The following PIP variants were observed in gnomAD, a reference collection of about 807,000 sequenced individuals.
The protein encoded by PIP is prolactin-inducible protein.
PIP carries 9 observed loss-of-function variants against 12.8 expected under a neutral mutation model. That is an observed-to-expected ratio of 0.70 (90% CI 0.42 to 1.23). PIP has a LOEUF of 1.23. PIP is among the 50% of genes most tolerant of loss of function. The probability of loss-of-function intolerance (pLI) is 0.00; values close to 1 mark genes in which losing one functional copy is unlikely to be tolerated. For missense variants in PIP, 172 were observed against 179.5 expected (o/e 0.96, Z 0.24); for synonymous variants, 60 against 66.1 (o/e 0.91, Z 0.45).
rs780595639 is a variant in PIP at position 143,139,581 on chromosome 7, C to A, written c.380C>A (p.Ala127Asp). The A allele has an allele frequency of 3.0e-5, 48 of 1,610,886 alleles. No homozygotes were observed. The highest frequency in any genetic ancestry group is 3.7e-5 in the Non-Finnish European group (44 of 1,177,212). The change falls in exon 4 of 4, where the codon GCT (alanine) becomes GAT (aspartate). Residue 127 changes from alanine to aspartate, a missense_variant. Transcript: ENST00000291009. ...IRELGICPDD[A>D]AVIPIKNNRF... is the part of the protein sequence containing the mutation. ...GAATTAGGCATCTGCCCTGATGATGCTGCTGTAATCCCCATCAAAAACAAC... is the reference window on the plus strand; with the variant it reads ...GAATTAGGCATCTGCCCTGATGATGATGCTGTAATCCCCATCAAAAACAAC...
intron 2 of PIP, among the ~76,000 whole-genome samples, chr7:143,138,766 G>A (rs749984789): frequency 6.6e-6 from 1 of 152,146 alleles, no homozygotes; most frequent in Non-Finnish European, 1.5e-5. Context: ...TGGTGACTAA[G>A]GCAAGCCTGC....
In PIP at chr7:143,135,208, T is replaced by C. The variant is rs529364553; in HGVS notation, c.110T>C (p.Ile37Thr). 3 of 1,570,806 alleles carry C rather than the reference T, an allele frequency of 1.9e-6. No homozygotes were observed. The highest frequency in any genetic ancestry group is 2.2e-5 in the South Asian group (2 of 90,180). The part of the protein sequence containing the change: ...KAQDNTRKII[I>T]KNFDIPKSVR... The stretch of plus-strand genomic sequence containing the variant: ...CCCACAATCAGTCGGAAGATCATAA[T>C]AAAGAATTTTGACATTCCCAAGTCA... The change falls in exon 2 of 4, where the codon ATA becomes ACA. Residue 37 changes from isoleucine to threonine, a missense_variant. Ile to Thr is a moderately conservative substitution (Grantham distance 89, BLOSUM62 -1). Coordinates refer to ENST00000291009, the MANE Select transcript of PIP (RefSeq NM_002652.3).
At chr7:143,135,593 G>A (rs143956069) in intron 2 of PIP, among the ~76,000 whole-genome samples, 1 of 152,092 alleles carries the variant, frequency 6.6e-6, no homozygotes, top group African/African-American at 2.4e-5. Flanking sequence ...TAGAGAAGCA[G>A]TTAGAGTCCT....
Position 143,135,232 on chromosome 7 carries a change from C to T in PIP, c.134C>T (p.Ser45Leu). The T allele has an allele frequency of 1.3e-6, 2 of 1,598,820 alleles. No homozygotes were observed. The highest frequency in any genetic ancestry group is 8.6e-7 in the Non-Finnish European group (1 of 1,166,238). The change falls in exon 2 of 4, where the codon TCA becomes TTA. Residue 45 changes from serine (S) to leucine (L), a missense_variant. Ser to Leu is a moderately radical substitution (Grantham distance 145). Transcript: ENST00000291009. ...ATAAAGAATTTTGACATTCCCAAGT[C>T]AGTACGTCCAAATGACGAAGTCACT... ...IIIKNFDIPK[S>L]VRPNDEVTAV...
chr7:143,139,672 G>T lies in PIP; in HGVS notation c.*30G>T. 6.3e-7 allele frequency: 1 copy of T among 1,587,568 alleles called. No homozygotes were observed. Among genetic ancestry groups the T allele is most frequent in the East Asian group, 2.2e-5 (1 of 44,446 alleles). On this transcript the variant is annotated 3_prime_UTR_variant, in exon 4 of 4. Transcript: ENST00000291009. ...AGCCCTGTCTGTTTGCCACACCCAG[G>T]TGATTTCCTCTAAAGAAACTTGGCT...
rs1799297605 is a variant in PIP, at chr7:143,135,292, G to T, written c.194G>T (p.Cys65Phe). Residue 65 changes from cysteine to phenylalanine, a missense_variant, in exon 2 of 4, where the codon TGC (cysteine) becomes TTC (phenylalanine). Physicochemically the swap from Cys to Phe is radical, Grantham distance 205. Coordinates refer to ENST00000291009, the MANE Select transcript of PIP (RefSeq NM_002652.3). ...VLAVQTELKE[C>F]MVVKTYLISS... Reference sequence around the variant, plus strand: ...GCAGTTCAAACAGAATTGAAAGAATGCATGGTGGTAAGTAGAGGACTGGGG... The same window carrying T: ...GCAGTTCAAACAGAATTGAAAGAATTCATGGTGGTAAGTAGAGGACTGGGG... 10 of 1,539,530 alleles carry T rather than the reference G, an allele frequency of 6.5e-6. No homozygotes were observed. Among genetic ancestry groups the T allele is most frequent in the Non-Finnish European group, 8.1e-6 (9 of 1,112,070 alleles).
chr7:143,139,615 T>C lies in PIP; in HGVS notation c.414T>C (p.Tyr138=), dbSNP rs371945344. The change falls in exon 4 of 4, where the codon TAT becomes TAC. Residue 138 remains tyrosine (Y), a synonymous_variant. Coordinates refer to ENST00000291009, the MANE Select transcript of PIP (RefSeq NM_002652.3). The stretch of plus-strand genomic sequence containing the variant: ...TCCCCATCAAAAACAACCGGTTTTA[T>C]ACTATTGAAATCCTAAAGGTAGAAT... ...AVIPIKNNRF[Y]TIEILKVE is the part of the protein sequence containing the mutation. 5 of 1,612,574 alleles carry C rather than the reference T, an allele frequency of 3.1e-6. No homozygotes were observed. The highest frequency in any genetic ancestry group is 2.7e-5 in the African/African-American group (2 of 74,910).
At position 143,139,663 on chromosome 7, in the gene PIP, C is replaced by G. The variant is rs1450510857; in HGVS notation, c.*21C>G. Reference sequence around the variant, plus strand: ...AATAATGGAAGCCCTGTCTGTTTGCCACACCCAGGTGATTTCCTCTAAAGA... The same window carrying G: ...AATAATGGAAGCCCTGTCTGTTTGCGACACCCAGGTGATTTCCTCTAAAGA... On this transcript the variant is annotated 3_prime_UTR_variant, in exon 4 of 4. Transcript: ENST00000291009. 1 of 1,597,318 alleles carries G rather than the reference C, an allele frequency of 6.3e-7. No homozygotes were observed. The highest frequency in any genetic ancestry group is 1.1e-5 in the South Asian group (1 of 90,168).
chr7:143,138,381 C>A (rs772343153), intron 2 of PIP, among the ~76,000 whole-genome samples: 1 of 152,028 alleles, frequency 6.6e-6, no homozygotes, highest in Non-Finnish European at 1.5e-5. Flanking sequence ...GGTCTATGGA[C>A]CCCAGGATAA....
chr7:143,135,320 G>A lies in PIP; in HGVS notation c.201+21G>A, dbSNP rs368744891. The stretch of plus-strand genomic sequence containing the variant: ...TGGTGGTAAGTAGAGGACTGGGGGC[G>A]TGACTTCAAAAGATAATTCAACTCC... On this transcript the variant is annotated intron_variant, in intron 2 of 3. Transcript: ENST00000291009. The A allele has an allele frequency of 4.1e-5, 47 of 1,151,180 alleles. 1 individual carries two copies. Among genetic ancestry groups the A allele is most frequent in the African/African-American group, 7.6e-5 (5 of 66,062 alleles). The allele number at this position is 1,151,180 out of a possible 1,614,324, so 71.3% of individuals were successfully genotyped here.
intron 1 of PIP, among the ~76,000 whole-genome samples, chr7:143,133,994 A>G (rs1237377419): frequency 2.0e-5 from 3 of 150,784 alleles, no homozygotes; most frequent in Non-Finnish European, 4.4e-5. Context: ...GCAAGTCCCC[A>G]AAGTCCATTG....
At chr7:143,132,737 T>C (rs1214022839) in intron 1 of PIP, among the ~76,000 whole-genome samples, 1 of 152,102 alleles carries the variant, frequency 6.6e-6, no homozygotes, top group Non-Finnish European at 1.5e-5. Flanking sequence ...ATGAATATGA[T>C]GACCTCTTGC....
chr7:143,135,156 C>G (rs763689493), intron 1 of PIP, 38 bp from the exon 2 acceptor site: 12 of 1,129,960 alleles, frequency 1.1e-5, no homozygotes, highest in Non-Finnish European at 5.4e-6. Flanking sequence ...AGATTGGTCT[C>G]TGATCCTGGT....
In PIP at chr7:143,136,308, A is replaced by G. The variant is rs570984308; in HGVS notation, c.201+1009A>G. Reference sequence around the variant, plus strand: ...TGAAGGACACCTTCTATCAGGCAGCACAAGTATTTCCTTACAACATAAGTT... The same window carrying G: ...TGAAGGACACCTTCTATCAGGCAGCGCAAGTATTTCCTTACAACATAAGTT... On this transcript the variant is annotated intron_variant, in intron 2 of 3. Transcript: ENST00000291009. Among the ~76,000 whole-genome samples, 9 of 152,192 alleles carry G rather than the reference A, an allele frequency of 5.9e-5. 1 individual carries two copies. In the South Asian group the frequency reaches 1.5e-3, roughly 25 times the overall value.
At chr7:143,132,338 C>T (rs961127127) in intron 1 of PIP, 127 bp downstream of exon 1, 3 of 1,030,448 alleles carry the variant, frequency 2.9e-6, no homozygotes, top group Non-Finnish European at 4.3e-6. Flanking sequence ...CAGGAGCTCC[C>T]ATGGATCTCC....
intron 1 of PIP, among the ~76,000 whole-genome samples, chr7:143,133,735 G>A (rs911131492): frequency 6.6e-6 from 1 of 151,942 alleles, no homozygotes; most frequent in Non-Finnish European, 1.5e-5. Context: ...CCTACCTGGG[G>A]ACCACAGAAG....
In PIP at chr7:143,134,132, T is replaced by C. The variant is rs898633257; in HGVS notation, c.96-1062T>C. On this transcript the variant is annotated intron_variant, in intron 1 of 3. Transcript: ENST00000291009. ...TAGTCTCCAATCTCATACAGGTCACTGCAAATGCTGTTAATTCATTCCTTA... is the reference window on the plus strand; with the variant it reads ...TAGTCTCCAATCTCATACAGGTCACCGCAAATGCTGTTAATTCATTCCTTA... 4.2e-5 allele frequency among the ~76,000 whole-genome samples: 6 copies of C among 142,864 alleles called. No individual in the cohort carries two copies. The East Asian group carries it at 6.4e-4, about 15-fold the overall frequency. The allele number at this position is 142,864 out of a possible 152,430, so 93.7% of individuals were successfully genotyped here.
At chr7:143,132,253 G>A (rs776390853) in intron 1 of PIP, 42 bp downstream of exon 1, 2 of 1,606,188 alleles carry the variant, frequency 1.2e-6, no homozygotes, top group Admixed American at 1.7e-5. Context: ...AAATTGCAGG[G>A]AGGGCTCCTC....
rs142425119 is a variant in PIP, at chr7:143,132,211, C to A, written c.95C>A (p.Thr32Asn). Residue 32 changes from threonine to asparagine, a missense_variant and splice_region_variant, in exon 1 of 4, where the codon ACT becomes AAT. Transcript: ENST00000291009. ...GGGGCCAACAAAGCTCAGGACAACA[C>A]GTGAGCCATGCCCTTCTCCTCCCCA... ...QLGANKAQDN[T>N]RKIIIKNFDI... 2.5e-6 allele frequency: 4 copies of A among 1,613,432 alleles called. No individual in the cohort carries two copies. The highest frequency in any genetic ancestry group is 3.4e-6 in the Non-Finnish European group (4 of 1,179,454).
Sources: allele counts gnomAD v4.1 joint callset (sites outside exome capture counted in the v4.1 genomes callset), GRCh38; gene constraint gnomAD v4.1.1; transcripts MANE v1.5; gene names NCBI Gene and HGNC (gene_info 2026-07-23, HGNC 2026-07-21).